The following EIF2S3 variants were observed in gnomAD, a reference collection of about 807,000 sequenced individuals.
The protein encoded by EIF2S3 is eukaryotic translation initiation factor 2 subunit 3.
In EIF2S3, 2 loss-of-function variants were observed where a neutral mutation model predicts 31.7. The observed-to-expected ratio is 0.06, with a 90% CI of 0.03 to 0.20. EIF2S3 has a LOEUF of 0.20. Among genes scored for constraint, EIF2S3 ranks in the 10% least tolerant of loss-of-function variants. The probability of loss-of-function intolerance (pLI) is 1.00; values close to 1 mark genes in which losing one functional copy is unlikely to be tolerated. For synonymous variants in EIF2S3, 120 were observed against 126.7 expected, an observed-to-expected ratio of 0.95 and a Z score of 0.36; for missense variants, 96 against 359.3, an observed-to-expected ratio of 0.27 and a Z score of 5.92.
chrX:24,078,195 T>C lies in EIF2S3; in HGVS notation c.*1410T>C, dbSNP rs1222511082. 9.0e-6 allele frequency among the ~76,000 whole-genome samples: 1 copy of C among 110,840 alleles called. No homozygotes were observed. Among genetic ancestry groups the C allele is most frequent in the East Asian group, 2.8e-4 (1 of 3,537 alleles). Reference sequence around the variant, plus strand: ...CACTTGCCACCATACCCGGCTAATTTTTGTATTTTTAGTAGAGATGGGGTT... The same window carrying C: ...CACTTGCCACCATACCCGGCTAATTCTTGTATTTTTAGTAGAGATGGGGTT... On this transcript the variant is annotated 3_prime_UTR_variant, in exon 12 of 12. Coordinates refer to ENST00000253039, the MANE Select transcript of EIF2S3 (RefSeq NM_001415.4).
intron 9 of EIF2S3, among the ~76,000 whole-genome samples, chrX:24,068,895 TC>T (rs1192995765): frequency 9.0e-6 from 1 of 111,602 alleles, no homozygotes; most frequent in African/African-American, 3.3e-5. Context: ...ACTTTTCTAG[TC>T]CCTTACAACT....
intron 9 of EIF2S3, among the ~76,000 whole-genome samples, chrX:24,068,592 A>C (rs1199398590): frequency 9.0e-6 from 1 of 110,527 alleles, no homozygotes; most frequent in East Asian, 2.8e-4. Flanking sequence ...CTACAGGCAC[A>C]TGCTGCCAGG....
chrX:24,062,720 G>C, intron 6 of EIF2S3, 146 bp downstream of exon 6: 1 of 551,780 alleles, frequency 1.8e-6, no homozygotes, highest in Non-Finnish European at 2.7e-6. Flanking sequence ...CCTTTTGCTT[G>C]TTAGTAACCT....
intron 6 of EIF2S3, 36 bp downstream of exon 6, chrX:24,062,610 A>G (rs765431752): frequency 8.5e-7 from 1 of 1,175,317 alleles, no homozygotes; most frequent in South Asian, 1.9e-5. Flanking sequence ...TCTATGAATC[A>G]CTTTGAGAGG....
At position 24,060,234 on chromosome X, in the gene EIF2S3, T is replaced by C. The variant is rs780532138; in HGVS notation, c.478+52T>C. On this transcript the variant is annotated intron_variant, in intron 5 of 11. Coordinates refer to ENST00000253039, the MANE Select transcript of EIF2S3 (RefSeq NM_001415.4). ...AAATCAATGTGGAACAAATCCAAGA[T>C]GAAATATTTAAAGGGGAACTAAGGC... The C allele has an allele frequency of 2.8e-6, 3 of 1,069,542 alleles. No individual in the cohort carries two copies. In the South Asian group the frequency reaches 5.6e-5, roughly 20 times the overall value. 88.1% of individuals were successfully genotyped at this position (1,069,542 alleles called of 1,213,427 possible). A position where few individuals can be genotyped will look rare whatever the true frequency, so the allele number is the denominator to read the frequency against.
chrX:24,062,790 C>A (rs1254466042), intron 6 of EIF2S3, among the ~76,000 whole-genome samples: 1 of 110,998 alleles, frequency 9.0e-6, no homozygotes, highest in African/African-American at 3.3e-5. Flanking sequence ...TTTTTGCTGG[C>A]AGCAAGTTAG....
chrX:24,064,449 A>G (rs923911122), intron 7 of EIF2S3, 114 bp downstream of exon 7: 46 of 961,218 alleles, frequency 4.8e-5, no homozygotes, highest in African/African-American at 1.2e-4. Context: ...AATTCATACA[A>G]TTTTTTTGAA....
At chrX:24,073,424 G>A in intron 11 of EIF2S3, 161 bp downstream of exon 11, 1 of 666,113 alleles carries the variant, frequency 1.5e-6, no homozygotes, top group Non-Finnish European at 2.2e-6. Flanking sequence ...CGGGTGCGGT[G>A]GCTCACGCCT....
intron 2 of EIF2S3, among the ~76,000 whole-genome samples, chrX:24,055,921 C>T (rs777343969): frequency 1.8e-5 from 2 of 111,858 alleles, no homozygotes; most frequent in South Asian, 3.7e-4. Context: ...TAGCATAAGG[C>T]AGTATGTAGT....
intron 6 of EIF2S3, among the ~76,000 whole-genome samples, chrX:24,063,620 A>G (rs1264847936): frequency 9.0e-6 from 1 of 110,992 alleles, no homozygotes; most frequent in African/African-American, 3.3e-5. Context: ...TCAATACAAA[A>G]AATTAGCTGG....
At position 24,073,076 on chromosome X, in the gene EIF2S3, A is replaced by G. The variant is rs1379305185; in HGVS notation, c.1183-15A>G. The G allele has an allele frequency of 1.1e-5, 13 of 1,187,990 alleles. No individual in the cohort carries two copies. The highest frequency in any genetic ancestry group is 1.5e-5 in the Non-Finnish European group (13 of 884,845). ...TTGATTTTGGGGTTTATTTTTCCCT[A>G]ATTTATTTTTCTAGGTTCAAAAGCT... On this transcript the variant is annotated splice_polypyrimidine_tract_variant and intron_variant, in intron 10 of 11. Coordinates refer to ENST00000253039, the MANE Select transcript of EIF2S3 (RefSeq NM_001415.4).
At position 24,078,408 on chromosome X, in the gene EIF2S3, T is replaced by TA. The variant is rs1175463356; in HGVS notation, c.*1635dup. On this transcript the variant is annotated 3_prime_UTR_variant, in exon 12 of 12. Transcript: ENST00000253039. ...CTTGCTGACGTTGCTGGGGAAGCTT[T>TA]AAAAAAAAAAAAGATGCCCCACAGA... Among the ~76,000 whole-genome samples, 153 of 104,316 alleles carry TA rather than the reference T, an allele frequency of 1.5e-3. No homozygotes were observed. Among genetic ancestry groups the TA allele is most frequent in the African/African-American group, 3.7e-3 (107 of 28,985 alleles). 90.6% of individuals were successfully genotyped at this position (104,316 alleles called of 115,157 possible).
chrX:24,058,198 T>C (rs1472262599), intron 4 of EIF2S3, among the ~76,000 whole-genome samples: 3 of 111,848 alleles, frequency 2.7e-5, no homozygotes, highest in Non-Finnish European at 1.9e-5. Context: ...TTTATGGGGA[T>C]TGGAGATGCC....
chrX:24,060,560 A>G (rs574960926), intron 5 of EIF2S3: 2 of 182,690 alleles, frequency 1.1e-5, no homozygotes, highest in South Asian at 1.2e-4. Flanking sequence ...TTAAGATACA[A>G]ATATTCATAA....
At chrX:24,076,579 T>C in intron 11 of EIF2S3, 143 bp from the exon 12 acceptor site, 1 of 518,042 alleles carries the variant, frequency 1.9e-6, no homozygotes, top group Non-Finnish European at 3.2e-6. Flanking sequence ...AAGAATATAG[T>C]GTGGGCTTTC....
rs758813480 is a variant in EIF2S3, at chrX:24,074,862, CTTTTTT to C, written c.1355+1615_1355+1620del. On this transcript the variant is annotated intron_variant, in intron 11 of 11. Coordinates refer to ENST00000253039, the MANE Select transcript of EIF2S3 (RefSeq NM_001415.4). ...GTACTCATCATTTTTTTTTCTTCTT[CTTTTTT>C]TTTTTTTTTTTTTTTGAGATGGAGT... 7.5e-3 allele frequency among the ~76,000 whole-genome samples: 358 copies of C among 47,476 alleles called. 3 individuals are homozygous for C. Among genetic ancestry groups the C allele is most frequent in the African/African-American group, 0.033 (346 of 10,446 alleles). The allele number at this position is 47,476 out of a possible 115,157, so 41.2% of individuals were successfully genotyped here. A position where few individuals can be genotyped will look rare whatever the true frequency, so the allele number is the denominator to read the frequency against.
intron 9 of EIF2S3, among the ~76,000 whole-genome samples, chrX:24,070,654 C>T (rs1361171475): frequency 3.6e-5 from 4 of 109,597 alleles, no homozygotes; most frequent in Admixed American, 9.8e-5. Flanking sequence ...CTAGACTTGT[C>T]TTGAACTCCT....
intron 5 of EIF2S3, among the ~76,000 whole-genome samples, chrX:24,061,574 A>T (rs1417401789): frequency 9.3e-6 from 1 of 108,086 alleles, no homozygotes; most frequent in Non-Finnish European, 1.9e-5. Context: ...CAAAAAAAAA[A>T]TTTTTTTTTT....
At chrX:24,072,676 C>T (rs1407269619) in intron 10 of EIF2S3, among the ~76,000 whole-genome samples, 1 of 111,321 alleles carries the variant, frequency 9.0e-6, no homozygotes, top group African/African-American at 3.3e-5. Context: ...AATAAGCTAT[C>T]ATGCTTTTTT....
Sources: allele counts gnomAD v4.1 joint callset (sites outside exome capture counted in the v4.1 genomes callset), GRCh38; gene constraint gnomAD v4.1.1; transcripts MANE v1.5; gene names NCBI Gene and HGNC (gene_info 2026-07-23, HGNC 2026-07-21).